The following POFUT3 variants were observed in gnomAD, a reference collection of about 807,000 sequenced individuals.
The protein encoded by POFUT3 is protein O-fucosyltransferase 3.
the POFUT3 span, among the ~76,000 whole-genome samples, chr8:33,425,013 T>A: frequency 1.3e-5 from 2 of 152,140 alleles, no homozygotes; most frequent in Non-Finnish European, 2.9e-5. Flanking sequence ...ATCTTATTAG[T>A]AAGTATAATA....
At chr8:33,352,262 C>T in the POFUT3 span, among the ~76,000 whole-genome samples, 1 of 152,194 alleles carries the variant, frequency 6.6e-6, no homozygotes, top group Non-Finnish European at 1.5e-5. Context: ...GTGTTCCTGG[C>T]TGTCACTACG....
At chr8:33,391,834 T>C in the POFUT3 span, among the ~76,000 whole-genome samples, 1 of 152,070 alleles carries the variant, frequency 6.6e-6, no homozygotes, top group Non-Finnish European at 1.5e-5. Flanking sequence ...GCACAGGGGA[T>C]TTGAGTGAGT....
chr8:33,363,378 A>T, the POFUT3 span, among the ~76,000 whole-genome samples: 1 of 152,200 alleles, frequency 6.6e-6, no homozygotes, highest in African/African-American at 2.4e-5. Context: ...GCAAGAGCAA[A>T]CAAATTCAAA....
the POFUT3 span, among the ~76,000 whole-genome samples, chr8:33,414,814 GA>G: frequency 6.6e-6 from 1 of 152,000 alleles, no homozygotes; most frequent in South Asian, 2.1e-4. Context: ...AAACTCCCAA[GA>G]GTTGACTTGG....
chr8:33,341,050 C>G, the POFUT3 span, among the ~76,000 whole-genome samples: 1 of 151,980 alleles, frequency 6.6e-6, no homozygotes, highest in Non-Finnish European at 1.5e-5. Flanking sequence ...GATCATAAAA[C>G]AAACCTAAAA....
the POFUT3 span, among the ~76,000 whole-genome samples, chr8:33,401,378 G>A: frequency 2.0e-5 from 3 of 152,118 alleles, no homozygotes; most frequent in Non-Finnish European, 2.9e-5. Flanking sequence ...AGGTAGAAGA[G>A]CAACCCAGTT....
At chr8:33,362,741 C>T in the POFUT3 span, among the ~76,000 whole-genome samples, 2 of 152,232 alleles carry the variant, frequency 1.3e-5, no homozygotes, top group South Asian at 2.1e-4. Flanking sequence ...TATATATGCA[C>T]CCCATACAGG....
chr8:33,311,500 A>G, the POFUT3 span, among the ~76,000 whole-genome samples: 1 of 152,198 alleles, frequency 6.6e-6, no homozygotes, highest in African/African-American at 2.4e-5. Flanking sequence ...ATGACCATAC[A>G]TCAAATACAA....
chr8:33,310,033 G>A, the POFUT3 span, among the ~76,000 whole-genome samples: 2 of 152,132 alleles, frequency 1.3e-5, no homozygotes, highest in African/African-American at 2.4e-5. Context: ...AAATAGGAAG[G>A]GATGGAAGGA....
At chr8:33,391,435 A>T in the POFUT3 span, among the ~76,000 whole-genome samples, 1 of 152,236 alleles carries the variant, frequency 6.6e-6, no homozygotes, top group African/African-American at 2.4e-5. Flanking sequence ...AGGCTTAAAA[A>T]AGAACACTCA....
the POFUT3 span, among the ~76,000 whole-genome samples, chr8:33,387,642 A>G: frequency 1.3e-5 from 2 of 152,106 alleles, no homozygotes; most frequent in Non-Finnish European, 2.9e-5. Flanking sequence ...CGTCTCTACT[A>G]AAAATACAAA....
chr8:33,437,968 T>G, the POFUT3 span, among the ~76,000 whole-genome samples: 3 of 152,226 alleles, frequency 2.0e-5, no homozygotes, highest in Non-Finnish European at 2.9e-5. Flanking sequence ...AATGATCTGA[T>G]GTCAAATTTA....
the POFUT3 span, among the ~76,000 whole-genome samples, chr8:33,467,377 A>G: frequency 6.6e-6 from 1 of 152,116 alleles, no homozygotes; most frequent in Non-Finnish European, 1.5e-5. Flanking sequence ...TTCCAGACAC[A>G]TACTGAAGCA....
the POFUT3 span, among the ~76,000 whole-genome samples, chr8:33,319,434 T>A: frequency 1.7e-5 from 1 of 60,022 alleles, no homozygotes; most frequent in Non-Finnish European, 2.6e-5. Context: ...ATATATATAT[T>A]TTTTATATAT....
chr8:33,359,989 G>A, the POFUT3 span, among the ~76,000 whole-genome samples: 16 of 152,098 alleles, frequency 1.1e-4, no homozygotes, highest in East Asian at 2.7e-3. Context: ...CTGGGCAAAA[G>A]AGCAAGACTC....
At chr8:33,331,761 C>T in the POFUT3 span, among the ~76,000 whole-genome samples, 302 of 152,094 alleles carry the variant, frequency 2.0e-3, 1 homozygote, top group Non-Finnish European at 3.9e-3. Context: ...CTGCAAGCTC[C>T]GCCTCCCGGG....
At chr8:33,374,242 A>T in the POFUT3 span, among the ~76,000 whole-genome samples, 1 of 152,178 alleles carries the variant, frequency 6.6e-6, no homozygotes, top group African/African-American at 2.4e-5. Flanking sequence ...TCTCCCACAA[A>T]ATAGGTCTCT....
At chr8:33,458,727 C>G in the POFUT3 span, among the ~76,000 whole-genome samples, 1 of 151,546 alleles carries the variant, frequency 6.6e-6, no homozygotes, top group Non-Finnish European at 1.5e-5. Flanking sequence ...AAACAAAAAA[C>G]AAAAACAAAA....
chr8:33,470,426 A>G, the POFUT3 span, among the ~76,000 whole-genome samples: 2 of 152,102 alleles, frequency 1.3e-5, no homozygotes. Context: ...TCTCAAAAAT[A>G]AATAAAAATT....
Sources: gnomAD v4.1 joint callset for allele counts (sites outside exome capture counted in the v4.1 genomes callset) on GRCh38, gnomAD v4.1.1 for gene constraint, MANE v1.5 for transcripts, NCBI Gene and HGNC (gene_info 2026-07-23, HGNC 2026-07-21) for gene names.